The following DHX8 variants were observed in gnomAD, a reference collection of about 807,000 sequenced individuals.
DHX8 encodes the protein DEAH-box helicase 8, also known as ATP-dependent RNA helicase DHX8.
In DHX8, 67 loss-of-function variants were observed where a neutral mutation model predicts 140.7. The observed-to-expected ratio is 0.48, with a 90% CI of 0.39 to 0.58. The LOEUF (loss-of-function observed/expected upper bound fraction) is 0.58. DHX8 is among the 20% of genes least tolerant of loss of function. The pLI is 0.00. For synonymous variants in DHX8, 533 were observed against 553.2 expected (o/e 0.96, Z 0.51); for missense variants, 887 against 1,550.7 (o/e 0.57, Z 7.19).
Position 43,483,993 on chromosome 17 carries a change from C to A in DHX8, c.-45C>A. 1.2e-6 allele frequency: 2 copies of A among 1,610,870 alleles called. No homozygotes were observed. The highest frequency in any genetic ancestry group is 8.5e-7 in the Non-Finnish European group (1 of 1,178,118). ...AAGCTGGAACCCGGCCGGAGTAGCT[C>A]TGAGCGCCGGCTGTGAGGAAGGAGG... On this transcript the variant is annotated 5_prime_UTR_variant, in exon 1 of 23. It adds an upstream start codon to the 5' untranslated region. Transcript: ENST00000262415.
In DHX8 at chr17:43,497,266, G is replaced by A. The variant is rs1198591755; in HGVS notation, c.1300+998G>A. Among the ~76,000 whole-genome samples the A allele has an allele frequency of 2.1e-5, 3 of 142,192 alleles. 1 individual carries two copies. Among genetic ancestry groups the A allele is most frequent in the Admixed American group, 2.1e-4 (3 of 14,332 alleles). 93.3% of individuals were successfully genotyped at this position (142,192 alleles called of 152,430 possible). ...GATATTTATGTTGATATTTATATTG[G>A]TATTTCACTCACTTTTATTGCTATA... On this transcript the variant is annotated intron_variant, in intron 9 of 22. Transcript: ENST00000262415.
chr17:43,508,275 T>A (rs918899840), intron 15 of DHX8, 64 bp from the exon 16 acceptor site: 13 of 1,545,628 alleles, frequency 8.4e-6, no homozygotes, highest in Middle Eastern at 1.8e-4. Flanking sequence ...AATATCACCA[T>A]AGCCCTTGTA....
At chr17:43,516,636 A>C (rs1192320294) in intron 17 of DHX8, among the ~76,000 whole-genome samples, 2 of 151,994 alleles carry the variant, frequency 1.3e-5, no homozygotes, top group African/African-American at 4.8e-5. Flanking sequence ...TTTTGTAGAG[A>C]TGAAGTTTCA....
At position 43,493,893 on chromosome 17, in the gene DHX8, G is replaced by A; in HGVS notation, c.1212+7G>A. ...GAAGTGGGAGATCAAACAGGTTGGG[G>A]CCTTTAGTTTTCATGACCAGATAGT... is the stretch of plus-strand genomic sequence containing the variant. On this transcript the variant is annotated splice_region_variant and intron_variant, in intron 8 of 22. Transcript: ENST00000262415. 1 of 1,614,134 alleles carries A rather than the reference G, an allele frequency of 6.2e-7. No homozygotes were observed. Among genetic ancestry groups the A allele is most frequent in the Non-Finnish European group, 8.5e-7 (1 of 1,180,018 alleles).
At chr17:43,527,370 T>C (rs1463193044), downstream of DHX8, among the ~76,000 whole-genome samples, 2 of 152,084 alleles carry the variant, frequency 1.3e-5, no homozygotes, top group African/African-American at 2.4e-5. Context: ...CCAGCAAAAG[T>C]AGCAACCTAG....
At chr17:43,500,411 C>T (rs879678679) in intron 11 of DHX8, among the ~76,000 whole-genome samples, 8 of 151,966 alleles carry the variant, frequency 5.3e-5, no homozygotes, top group Non-Finnish European at 1.2e-4. Context: ...CGCTTAAACC[C>T]AGGAGGTGGA....
At chr17:43,517,605 A>G in intron 18 of DHX8, 1 of 358,034 alleles carries the variant, frequency 2.8e-6, no homozygotes, top group South Asian at 3.7e-5. Context: ...GGAAATTAGA[A>G]AAATATAATC....
chr17:43,525,454 C>T lies in DHX8; in HGVS notation c.*1607C>T, dbSNP rs552192432. On this transcript the variant is annotated 3_prime_UTR_variant, in exon 23 of 23. Transcript: ENST00000262415. ...TGCTGGCTGCAGATCCCTGCCCCTT[C>T]ATTAAGCTGAGTGCCTCCTGATTCT... The T allele has an allele frequency of 1.0e-6, 1 of 985,134 alleles. No individual in the cohort carries two copies. Among genetic ancestry groups the T allele is most frequent in the East Asian group, 1.1e-4 (1 of 8,808 alleles). The allele number at this position is 985,134 out of a possible 1,614,324, so 61.0% of individuals were successfully genotyped here. A position where few individuals can be genotyped will look rare whatever the true frequency, so the allele number is the denominator to read the frequency against.
chr17:43,502,900 T>G (rs1248368348), intron 11 of DHX8, among the ~76,000 whole-genome samples: 1 of 152,208 alleles, frequency 6.6e-6, no homozygotes, highest in Non-Finnish European at 1.5e-5. Flanking sequence ...TCCATGACCC[T>G]CCTTTGGCCT....
chr17:43,522,255 G>C, intron 22 of DHX8, 29 bp downstream of exon 22: 1 of 1,578,722 alleles, frequency 6.3e-7, no homozygotes, highest in East Asian at 2.2e-5. Context: ...GGGTCTAGGG[G>C]CTTTTCTGGG....
chr17:43,487,640 C>T (rs1968245896), intron 1 of DHX8, among the ~76,000 whole-genome samples: 1 of 152,210 alleles, frequency 6.6e-6, no homozygotes, highest in African/African-American at 2.4e-5. Flanking sequence ...AGGCGTGAGC[C>T]ACTGTCTGAA....
At chr17:43,510,537 C>T (rs1969765086) in intron 16 of DHX8, among the ~76,000 whole-genome samples, 2 of 152,146 alleles carry the variant, frequency 1.3e-5, no homozygotes, top group African/African-American at 4.8e-5. Flanking sequence ...CCTATAATAC[C>T]TCATACAGTG....
Position 43,508,505 on chromosome 17 carries a change from A to T in DHX8, c.2487A>T (p.Pro829=). 1.2e-6 allele frequency: 2 copies of T among 1,612,190 alleles called. No homozygotes were observed. Among genetic ancestry groups the T allele is most frequent in the Admixed American group, 1.7e-5 (1 of 59,678 alleles). The change falls in exon 16 of 23, where the codon CCA becomes CCT. Residue 829 remains proline (P), a synonymous_variant. Coordinates refer to ENST00000262415, the MANE Select transcript of DHX8 (RefSeq NM_004941.3). ...EMQTRIFDPA[P]PGSRKVVIAT... The stretch of plus-strand genomic sequence containing the variant: ...AGACCCGAATCTTTGACCCAGCTCC[A>T]CCAGGCAGCAGAAAGGTAACATGGG...
intron 11 of DHX8, among the ~76,000 whole-genome samples, chr17:43,501,103 G>A (rs897471767): frequency 1.3e-5 from 2 of 151,958 alleles, no homozygotes; most frequent in African/African-American, 4.8e-5. Context: ...CAACTTAGTC[G>A]GGGATATGGA....
intron 11 of DHX8, among the ~76,000 whole-genome samples, chr17:43,502,230 T>C (rs563502741): frequency 4.6e-5 from 7 of 152,246 alleles, no homozygotes; most frequent in African/African-American, 1.4e-4. Context: ...AATTTAGATA[T>C]CAGTTTGGCT....
In DHX8 at chr17:43,532,686, C is replaced by T. The variant is rs749666909; in HGVS notation, c.351-3726C>T. ...CCCAGTCTCTTACCTGAGTCGTAGG[C>T]GAAGTCCGTCTGTTCCTGTTTGATC... On this transcript the variant is annotated intron_variant, in intron 2 of 3. Transcript: ENST00000589898. The T allele has an allele frequency of 1.6e-5, 25 of 1,612,060 alleles. No homozygotes were observed. Among genetic ancestry groups the T allele is most frequent in the African/African-American group, 4.0e-5 (3 of 74,978 alleles).
intron 6 of DHX8, 54 bp downstream of exon 6, chr17:43,493,094 C>G: frequency 6.4e-7 from 1 of 1,568,882 alleles, no homozygotes; most frequent in East Asian, 2.3e-5. Context: ...TTTCTTTTAT[C>G]ACTGAGGATG....
chr17:43,490,850 A>G (rs1487583324), intron 3 of DHX8, among the ~76,000 whole-genome samples: 1 of 152,164 alleles, frequency 6.6e-6, no homozygotes, highest in Admixed American at 6.5e-5. Flanking sequence ...CTTTAGCCTG[A>G]GTGACAGAGG....
At chr17:43,522,338 C>A in intron 22 of DHX8, 112 bp downstream of exon 22, 1 of 1,038,714 alleles carries the variant, frequency 9.6e-7, no homozygotes, top group Non-Finnish European at 1.4e-6. Context: ...CCTAGTATAA[C>A]ACTGCTTGCC....
Sources: allele counts gnomAD v4.1 joint callset (sites outside exome capture counted in the v4.1 genomes callset), GRCh38; gene constraint gnomAD v4.1.1; transcripts MANE v1.5; gene names NCBI Gene and HGNC (gene_info 2026-07-23, HGNC 2026-07-21).